Variants in CNN2 observed in about 807,000 individuals in gnomAD.
The protein encoded by CNN2 is calponin-2.
A neutral mutation model predicts 31.0 loss-of-function variants in CNN2; 21 were observed. That is an observed-to-expected ratio of 0.68 (90% confidence interval 0.48 to 0.98). The LOEUF is 0.98. CNN2 is among the 50% of genes least tolerant of loss of function. The pLI, the probability that CNN2 is intolerant of heterozygous loss-of-function variation, is 0.00. For missense variants in CNN2, 399 were observed against 427.3 expected (o/e 0.93, Z 0.58); for synonymous variants, 165 against 179.6 (o/e 0.92, Z 0.65).
intron 1 of CNN2, among the ~76,000 whole-genome samples, chr19:1,029,288 C>G (rs1459085006): frequency 3.1e-5 from 2 of 64,674 alleles, no homozygotes; most frequent in African/African-American, 1.2e-4. Context: ...GCAGGTCCAG[C>G]TCAGGGGACC....
At chr19:1,027,043 G>T in intron 1 of CNN2, 2 of 295,748 alleles carry the variant, frequency 6.8e-6, no homozygotes, top group Non-Finnish European at 1.3e-5. Flanking sequence ...AGCCCCTGGC[G>T]CCCACTCAAC....
chr19:1,037,845 A>C lies in CNN2; in HGVS notation c.875A>C (p.Asp292Ala). The C allele has an allele frequency of 2.0e-6, 3 of 1,517,332 alleles. No individual in the cohort carries two copies. The highest frequency in any genetic ancestry group is 2.7e-6 in the Non-Finnish European group (3 of 1,131,394). The allele number at this position is 1,517,332 out of a possible 1,614,324, so 94.0% of individuals were successfully genotyped here. A position where few individuals can be genotyped will look rare whatever the true frequency, so the allele number is the denominator to read the frequency against. Reference protein sequence around the residue: ...GAPSGTGDCPDPGEVPEYPPY... With the variant: ...GAPSGTGDCPAPGEVPEYPPY... ...CCCTCGGGCACCGGCGACTGCCCGG[A>C]CCCGGGGGAGGTCCCTGAATATCCC... The change falls in exon 7 of 7, where the codon GAC (aspartate) becomes GCC (alanine). Residue 292 changes from aspartate to alanine, a missense_variant. By Grantham distance (126) the Asp-to-Ala change is moderately radical. Transcript: ENST00000263097.
intron 1 of CNN2, chr19:1,026,994 T>C: frequency 2.4e-6 from 1 of 412,288 alleles, no homozygotes; most frequent in Non-Finnish European, 4.4e-6. Context: ...TGGGTCTGAC[T>C]TCGTCCCCTC....
At chr19:1,026,794 C>T (rs969892441) in intron 1 of CNN2, 70 bp downstream of exon 1, 1 of 1,441,774 alleles carries the variant, frequency 6.9e-7, no homozygotes, top group Non-Finnish European at 9.3e-7. Context: ...GCAGGAGCCC[C>T]CAGGCGCCCC....
Position 1,037,827 on chromosome 19 carries a change from G to C in CNN2, c.857G>C (p.Gly286Ala). 6.2e-7 allele frequency: 1 copy of C among 1,608,212 alleles called. No homozygotes were observed. Among genetic ancestry groups the C allele is most frequent in the Non-Finnish European group, 8.5e-7 (1 of 1,177,368 alleles). The change falls in exon 7 of 7, where the codon GGC becomes GCC. Residue 286 changes from glycine (G) to alanine (A), a missense_variant. By Grantham distance (60) the Gly-to-Ala change is moderately conservative. Transcript: ENST00000263097. ...QGTVADGAPS[G>A]TGDCPDPGEV... ...ACAGTGGCCGATGGGGCTCCCTCGGGCACCGGCGACTGCCCGGACCCGGGG... is the reference window on the plus strand; with the variant it reads ...ACAGTGGCCGATGGGGCTCCCTCGGCCACCGGCGACTGCCCGGACCCGGGG...
intron 4 of CNN2, among the ~76,000 whole-genome samples, chr19:1,035,396 CCCCTGTGGCT>C (rs954217644): frequency 3.3e-5 from 5 of 152,078 alleles, no homozygotes; most frequent in African/African-American, 2.4e-5. Flanking sequence ...TTTCAGATGC[CCCCTGTGGCT>C]CCCAGTAACC....
chr19:1,038,045 A>T lies in CNN2; in HGVS notation c.*145A>T. 1.2e-6 allele frequency: 1 copy of T among 853,516 alleles called. No individual in the cohort carries two copies. Among genetic ancestry groups the T allele is most frequent in the South Asian group, 1.9e-5 (1 of 53,000 alleles). 52.9% of individuals were successfully genotyped at this position (853,516 alleles called of 1,614,324 possible). On this transcript the variant is annotated 3_prime_UTR_variant, in exon 7 of 7. Transcript: ENST00000263097. Reference sequence around the variant, plus strand: ...TGTGAGTGTCAGCGTGGGATCAGGCAGCAGAGCTTTTTTCCCCTTTGCCTT... The same window carrying T: ...TGTGAGTGTCAGCGTGGGATCAGGCTGCAGAGCTTTTTTCCCCTTTGCCTT...
rs768062776 is a variant in CNN2, at chr19:1,032,637, C to G, written c.331C>G (p.Leu111Val). ...NPVDLFEANDLFESGNMTQVQ... is the reference protein window; with the variant it reads ...NPVDLFEANDVFESGNMTQVQ... ...TGTGGACCTGTTCGAGGCCAACGAC[C>G]TGTTTGAGAGTGGGAACATGACGCA... The change falls in exon 4 of 7, where the codon CTG (leucine) becomes GTG (valine). Residue 111 changes from leucine to valine, a missense_variant. By Grantham distance (32) the Leu-to-Val change is conservative (BLOSUM62 1). Transcript: ENST00000263097. 5 of 1,612,574 alleles carry G rather than the reference C, an allele frequency of 3.1e-6. No homozygotes were observed. The African/African-American group carries it at 6.7e-5, about 22-fold the overall frequency.
chr19:1,036,114 C>A lies in CNN2; in HGVS notation c.391-16C>A. 2 of 1,586,764 alleles carry A rather than the reference C, an allele frequency of 1.3e-6. No homozygotes were observed. Among genetic ancestry groups the A allele is most frequent in the Non-Finnish European group, 1.7e-6 (2 of 1,165,772 alleles). ...CTGCCCTCTGCTGGTACTCCCGGCC[C>A]CTTTCCCTCACCCAGGCCAAGACTA... On this transcript the variant is annotated splice_polypyrimidine_tract_variant and intron_variant, in intron 4 of 6. Coordinates refer to ENST00000263097, the MANE Select transcript of CNN2 (RefSeq NM_004368.4).
In CNN2 at chr19:1,026,724, G is replaced by A; in HGVS notation, c.63G>A (p.Arg21=). Residue 21 remains arginine, a splice_region_variant and synonymous_variant, in exon 1 of 7, where the codon CGG becomes CGA. Coordinates refer to ENST00000263097, the MANE Select transcript of CNN2 (RefSeq NM_004368.4). The part of the protein sequence containing the change: ...SYGLSAEVKN[R]LLSKYDPQKE... ...GGCTGTCGGCCGAGGTCAAGAACCG[G>A]GTGAGTGAGGGGCGCCCCTTGTCCC... 6.5e-7 allele frequency: 1 copy of A among 1,549,910 alleles called. No homozygotes were observed. Among genetic ancestry groups the A allele is most frequent in the Non-Finnish European group, 8.7e-7 (1 of 1,147,272 alleles).
rs1466350270 is a variant in CNN2 at position 1,029,527 on chromosome 19, C to A, written c.64-1544C>A. Among the ~76,000 whole-genome samples the A allele has an allele frequency of 5.6e-4, 73 of 129,804 alleles. 1 individual carries two copies. The South Asian group carries it at 0.018, about 31-fold the overall frequency. The allele number at this position is 129,804 out of a possible 152,430, so 85.2% of individuals were successfully genotyped here. On this transcript the variant is annotated intron_variant, in intron 1 of 6. Coordinates refer to ENST00000263097, the MANE Select transcript of CNN2 (RefSeq NM_004368.4). ...CCCAAATCATCCCAGGCAGGTCCAG[C>A]TCAGGGGACCCTAACCCAAATCATC...
chr19:1,036,619 C>G, intron 6 of CNN2, 57 bp downstream of exon 6: 1 of 1,608,462 alleles, frequency 6.2e-7, no homozygotes, highest in Middle Eastern at 1.7e-4. Flanking sequence ...ACCCTGTGGT[C>G]TCGGCCCCTC....
chr19:1,036,268 C>G (rs1294590745), intron 5 of CNN2, 22 bp downstream of exon 5: 1 of 1,569,462 alleles, frequency 6.4e-7, no homozygotes, highest in Admixed American at 1.8e-5. Context: ...CTCCCCCAGC[C>G]CCAGGGACCA....
At chr19:1,034,288 G>T (rs2039548673) in intron 4 of CNN2, among the ~76,000 whole-genome samples, 1 of 2,312 alleles carries the variant, frequency 4.3e-4, no homozygotes, top group Non-Finnish European at 7.8e-4. Context: ...GGGTGGGACG[G>T]TGTCTGGTGT....
Position 1,038,191 on chromosome 19 carries a change from G to A in CNN2, c.*291G>A. ...GCTGTGCTGGGAAGAAGAGACCTGG[G>A]CTTGGAAGGAACCGGTCCCCGACGG... On this transcript the variant is annotated 3_prime_UTR_variant, in exon 7 of 7. Transcript: ENST00000263097. 1 of 351,144 alleles carries A rather than the reference G, an allele frequency of 2.8e-6. No homozygotes were observed. Among genetic ancestry groups the A allele is most frequent in the South Asian group, 1.1e-4 (1 of 9,008 alleles). 21.8% of individuals were successfully genotyped at this position (351,144 alleles called of 1,614,324 possible).
chr19:1,036,286 G>T (rs1310336475), intron 5 of CNN2, 40 bp downstream of exon 5: 3 of 1,565,996 alleles, frequency 1.9e-6, no homozygotes, highest in Non-Finnish European at 2.6e-6. Flanking sequence ...CCACGGCATT[G>T]GGGGACCACG....
In CNN2 at chr19:1,032,442, T is replaced by C. The variant is rs1224303379; in HGVS notation, c.236T>C (p.Met79Thr). 3 of 1,613,576 alleles carry C rather than the reference T, an allele frequency of 1.9e-6. No individual in the cohort carries two copies. In the South Asian group the frequency reaches 3.3e-5, roughly 18 times the overall value. Residue 79 changes from methionine (M) to threonine (T), a missense_variant, in exon 3 of 7, where the codon ATG becomes ACG. Transcript: ENST00000263097. The stretch of plus-strand genomic sequence containing the variant: ...TCCGTCCCCAAGATCAACCGCTCCA[T>C]GCAGAACTGGCACCAGGTGAGGGGC... ...PGSVPKINRSMQNWHQLENLS... is the reference protein window; with the variant it reads ...PGSVPKINRSTQNWHQLENLS...
chr19:1,028,467 C>G lies in CNN2; in HGVS notation c.63+1743C>G, dbSNP rs1211453279. Among the ~76,000 whole-genome samples, 3 of 152,280 alleles carry G rather than the reference C, an allele frequency of 2.0e-5. No homozygotes were observed. In the East Asian group the frequency reaches 5.8e-4, roughly 29 times the overall value. ...TTCCCGCTCACACCCGCTTTACCGG[C>G]TGCTTGAAACAGCCAGAGACCCGCC... On this transcript the variant is annotated intron_variant, in intron 1 of 6. Coordinates refer to ENST00000263097, the MANE Select transcript of CNN2 (RefSeq NM_004368.4).
At chr19:1,028,373 G>A (rs1226641303) in intron 1 of CNN2, among the ~76,000 whole-genome samples, 1 of 152,176 alleles carries the variant, frequency 6.6e-6, no homozygotes, top group South Asian at 2.1e-4. Flanking sequence ...GAGGGTGGGC[G>A]AGGCGTCGGC....
Sources: gnomAD v4.1 joint callset for allele counts (sites outside exome capture counted in the v4.1 genomes callset) on GRCh38, gnomAD v4.1.1 for gene constraint, MANE v1.5 for transcripts, NCBI Gene and HGNC (gene_info 2026-07-23, HGNC 2026-07-21) for gene names.